CPS1: variants seen among roughly 807,000 people sequenced by gnomAD.
CPS1 encodes the protein carbamoyl-phosphate synthase [ammonia], mitochondrial.
A neutral mutation model predicts 174.6 loss-of-function variants in CPS1; 109 were observed. The observed-to-expected ratio is 0.62, with a 90% CI of 0.53 to 0.73. The LOEUF (loss-of-function observed/expected upper bound fraction) is 0.73. Ranked by LOEUF, CPS1 falls within the 30% of genes least tolerant of loss-of-function variation. The probability of loss-of-function intolerance (pLI) is 0.00; values close to 1 mark genes in which losing one functional copy is unlikely to be tolerated. For synonymous variants in CPS1, 637 were observed against 632.0 expected, an observed-to-expected ratio of 1.01 and a Z score of -0.12; for missense variants, 1,689 against 1,821.9, an observed-to-expected ratio of 0.93 and a Z score of 1.33.
At chr2:210,629,137 C>T (rs549977702) in intron 21 of CPS1, among the ~76,000 whole-genome samples, 48 of 152,190 alleles carry the variant, frequency 3.2e-4, no homozygotes, top group African/African-American at 1.2e-3. Context: ...GGGGAAAATC[C>T]AGAGTTTTGC....
At chr2:210,497,889 C>CATATATATATAT (rs1401841718) in intron 1 of CPS1, among the ~76,000 whole-genome samples, 2,485 of 62,526 alleles carry the variant, frequency 0.04, 75 homozygotes, top group Middle Eastern at 0.071. Flanking sequence ...ACAATATATA[C>CATATATATATAT]ATACATATAT....
At chr2:210,655,994 T>A (rs1045581141) in intron 29 of CPS1, among the ~76,000 whole-genome samples, 1 of 152,218 alleles carries the variant, frequency 6.6e-6, no homozygotes, top group Non-Finnish European at 1.5e-5. Flanking sequence ...TATTATTACA[T>A]TACTTTTATT....
At chr2:210,577,059 T>C (rs1423636759) in intron 3 of CPS1, 1 of 294,530 alleles carries the variant, frequency 3.4e-6, no homozygotes, top group Admixed American at 4.9e-5. Flanking sequence ...TTTCTCACAA[T>C]TTCCCATCAA....
At chr2:210,537,208 A>T (rs879759870) in intron 1 of CPS1, among the ~76,000 whole-genome samples, 1 of 152,216 alleles carries the variant, frequency 6.6e-6, no homozygotes, top group Non-Finnish European at 1.5e-5. Flanking sequence ...CACATTGCTA[A>T]GGGTTAATTT....
At chr2:210,479,485 C>T (rs1462872038) in intron 1 of CPS1, among the ~76,000 whole-genome samples, 3 of 152,206 alleles carry the variant, frequency 2.0e-5, no homozygotes, top group African/African-American at 4.8e-5. Context: ...CACACCACCA[C>T]GCCCAGCTAA....
At chr2:210,537,696 A>G (rs569213089) in intron 1 of CPS1, among the ~76,000 whole-genome samples, 18 of 152,310 alleles carry the variant, frequency 1.2e-4, no homozygotes, top group African/African-American at 3.8e-4. Context: ...TAAAACAGCA[A>G]TGATTATTTT....
In CPS1 at chr2:210,658,754, T is replaced by C. The variant is rs1700809429; in HGVS notation, c.3756+66T>C. 7 of 1,164,172 alleles carry C rather than the reference T, an allele frequency of 6.0e-6. No individual in the cohort carries two copies. In the Admixed American group the frequency reaches 1.2e-4, roughly 20 times the overall value. The allele number at this position is 1,164,172 out of a possible 1,614,324, so 72.1% of individuals were successfully genotyped here. A position where few individuals can be genotyped will look rare whatever the true frequency, so the allele number is the denominator to read the frequency against. On this transcript the variant is annotated intron_variant, in intron 31 of 37. Coordinates refer to ENST00000233072, the MANE Select transcript of CPS1 (RefSeq NM_001875.5). ...GTTACGTCATGTTGGTTTGCATCTC[T>C]CTGGTAATCTTCTCTGTGAACACCA...
intron 19 of CPS1, among the ~76,000 whole-genome samples, chr2:210,610,838 GT>G (rs201221945): frequency 0.018 from 2,597 of 148,118 alleles, 56 homozygotes; most frequent in African/African-American, 0.048. Flanking sequence ...TGTTATACAC[GT>G]TTTTTTTTTA....
At chr2:210,674,474 A>G (rs1701444865) in intron 34 of CPS1, 1 of 148,798 alleles carries the variant, frequency 6.7e-6, no homozygotes. Flanking sequence ...CCCATCTCAA[A>G]AAAAAAAACC....
At chr2:210,643,431 A>T in intron 25 of CPS1, among the ~76,000 whole-genome samples, 1 of 152,150 alleles carries the variant, frequency 6.6e-6, no homozygotes, top group Admixed American at 6.5e-5. Context: ...TATGTGGAAA[A>T]TATGGTCAAT....
chr2:210,627,822 AC>A (rs142362288), intron 21 of CPS1, among the ~76,000 whole-genome samples: 118 of 152,084 alleles, frequency 7.8e-4, no homozygotes, highest in African/African-American at 2.7e-3. Context: ...GCTCTTCTAA[AC>A]TTCTCCTCCT....
At chr2:210,645,635 T>C (rs1700355781) in intron 25 of CPS1, among the ~76,000 whole-genome samples, 1 of 152,036 alleles carries the variant, frequency 6.6e-6, no homozygotes, top group African/African-American at 2.4e-5. Context: ...TAAAAAAAAT[T>C]AGCTGGGCGT....
intron 20 of CPS1, among the ~76,000 whole-genome samples, chr2:210,614,194 A>T (rs1293901900): frequency 6.6e-6 from 1 of 151,936 alleles, no homozygotes; most frequent in African/African-American, 2.4e-5. Context: ...CATTACAGTG[A>T]TGTTACATAG....
chr2:210,519,574 C>CT (rs1375770681), intron 1 of CPS1: 1 of 158,908 alleles, frequency 6.3e-6, no homozygotes, highest in Non-Finnish European at 1.3e-5. Flanking sequence ...TCTAAATGGC[C>CT]TTCAGAAATG....
At chr2:210,677,826 A>G in intron 37 of CPS1, 61 bp from the exon 38 acceptor site, 2 of 1,301,724 alleles carry the variant, frequency 1.5e-6, no homozygotes, top group East Asian at 2.3e-5. Flanking sequence ...TTTTGTCTTC[A>G]TTCATTAAAA....
chr2:210,556,626 C>A lies in CPS1; in HGVS notation c.-108C>A. 6.5e-7 allele frequency: 1 copy of A among 1,549,618 alleles called. No individual in the cohort carries two copies. Among genetic ancestry groups the A allele is most frequent in the South Asian group, 1.2e-5 (1 of 81,370 alleles). ...AGATCGCTGTGCAGTCAGCCTTAAA[C>A]ACTGACTGCACCCCTCCCAGATTTC... On this transcript the variant is annotated 5_prime_UTR_variant, in exon 1 of 38. Transcript: ENST00000233072.
At chr2:210,672,111 G>A (rs868841068) in intron 34 of CPS1, 1 of 152,226 alleles carries the variant, frequency 6.6e-6, no homozygotes, top group African/African-American at 2.4e-5. Flanking sequence ...TAGATCTGGG[G>A]TGGGGTTCAA....
chr2:210,595,623 TTAATGAGTC>T (rs1574568014), intron 13 of CPS1, 41 bp downstream of exon 13: 1 of 1,272,228 alleles, frequency 7.9e-7, no homozygotes, highest in Non-Finnish European at 1.1e-6. Context: ...TATGCTTCCT[TTAATGAGTC>T]TAATTAGTAT....
intron 1 of CPS1, among the ~76,000 whole-genome samples, chr2:210,504,390 A>G (rs1470144864): frequency 6.6e-6 from 1 of 152,266 alleles, no homozygotes; most frequent in African/African-American, 2.4e-5. Flanking sequence ...TTGAGTGCAA[A>G]CTATATTCTG....
Sources: allele counts gnomAD v4.1 joint callset (sites outside exome capture counted in the v4.1 genomes callset), GRCh38; gene constraint gnomAD v4.1.1; transcripts MANE v1.5; gene names NCBI Gene and HGNC (gene_info 2026-07-23, HGNC 2026-07-21).